The following DPP6 variants were observed in gnomAD, a reference collection of about 807,000 sequenced individuals.
DPP6 encodes the protein dipeptidyl peptidase like 6.
A neutral mutation model predicts 122.6 loss-of-function variants in DPP6; 69 were observed. The observed-to-expected ratio is 0.56, with a 90% CI of 0.46 to 0.69. The LOEUF is 0.69. DPP6 is among the 30% of genes least tolerant of loss of function. DPP6 has a pLI of 0.00. For missense variants in DPP6, 928 were observed against 1,116.9 expected (o/e 0.83, Z 2.41); for synonymous variants, 418 against 433.1 (o/e 0.97, Z 0.43).
rs28405723 is a variant in DPP6, at chr7:154,880,993, G to A, written c.2133+51G>A. The stretch of plus-strand genomic sequence containing the variant: ...AAACCCCTCAGTTCCAGTGTGGCCT[G>A]CACCATTACCCACGTCTAATCCTGA... On this transcript the variant is annotated intron_variant, in intron 21 of 25. Transcript: ENST00000377770. 0.024 allele frequency: 38,410 copies of A among 1,603,772 alleles called. 2,700 individuals carry two copies. The Admixed American group carries it at 0.24, about 10-fold the overall frequency.
At chr7:154,292,242 A>G (rs1373642742) in intron 1 of DPP6, among the ~76,000 whole-genome samples, 2 of 152,054 alleles carry the variant, frequency 1.3e-5, no homozygotes, top group Non-Finnish European at 2.9e-5. Context: ...CAAGGAAAAT[A>G]TATATATACC....
the DPP6 span, among the ~76,000 whole-genome samples, chr7:153,870,523 T>A: frequency 6.6e-6 from 1 of 152,260 alleles, no homozygotes; most frequent in Non-Finnish European, 1.5e-5. Flanking sequence ...AGGACTTCTC[T>A]GCATTAGTTA....
chr7:154,119,155 C>A (rs1311465462), intron 1 of DPP6, among the ~76,000 whole-genome samples: 4 of 152,010 alleles, frequency 2.6e-5, no homozygotes, highest in African/African-American at 4.8e-5. Context: ...AATCTCTTTC[C>A]CTATATACAT....
Position 154,821,628 on chromosome 7 carries a change from G to C in DPP6, c.1666+14516G>C, listed in dbSNP as rs1442785523. Among the ~76,000 whole-genome samples the C allele has an allele frequency of 1.5e-5, 1 of 68,368 alleles. No homozygotes were observed. Among genetic ancestry groups the C allele is most frequent in the African/African-American group, 5.4e-5 (1 of 18,428 alleles). 44.9% of individuals were successfully genotyped at this position (68,368 alleles called of 152,430 possible). A position where few individuals can be genotyped will look rare whatever the true frequency, so the allele number is the denominator to read the frequency against. On this transcript the variant is annotated intron_variant, in intron 16 of 25. Coordinates refer to ENST00000377770, the MANE Select transcript of DPP6 (RefSeq NM_130797.4). This position sits in a 1 kb window ranked among gnomAD's most constrained non-coding sequence, Gnocchi z 4.2. ...ATATATATATATATATTTTTTTTCTGTATATATATATATATATACACATAT... is the reference window on the plus strand; with the variant it reads ...ATATATATATATATATTTTTTTTCTCTATATATATATATATATACACATAT...
At chr7:154,285,089 A>G (rs1804765547) in intron 1 of DPP6, among the ~76,000 whole-genome samples, 1 of 152,336 alleles carries the variant, frequency 6.6e-6, no homozygotes, top group Non-Finnish European at 1.5e-5. Flanking sequence ...GATGTTGGCA[A>G]TGGTTGCACA....
chr7:153,898,279 G>T (rs904326805), intron 1 of DPP6, among the ~76,000 whole-genome samples: 1 of 151,918 alleles, frequency 6.6e-6, no homozygotes, highest in Admixed American at 6.6e-5. Context: ...ACAACAAGAC[G>T]CCATCTCTAA....
chr7:154,316,292 C>T (rs1190094334), intron 1 of DPP6, among the ~76,000 whole-genome samples: 1 of 152,204 alleles, frequency 6.6e-6, no homozygotes, highest in Non-Finnish European at 1.5e-5. Context: ...TCACTCCAGC[C>T]ACCAGCCATG....
Position 154,358,317 on chromosome 7 carries a change from C to T in DPP6, c.244-87897C>T, listed in dbSNP as rs764224191. Among the ~76,000 whole-genome samples the T allele has an allele frequency of 9.2e-5, 14 of 152,310 alleles. No homozygotes were observed. The South Asian group carries it at 1.2e-3, about 14-fold the overall frequency. On this transcript the variant is annotated intron_variant, in intron 1 of 25. Coordinates refer to ENST00000377770, the MANE Select transcript of DPP6 (RefSeq NM_130797.4). ...GCTGTGGCCTTATTCCTGCTGCAGACCTGACCCAGTCTTTAGGACTTGATC... is the reference window on the plus strand; with the variant it reads ...GCTGTGGCCTTATTCCTGCTGCAGATCTGACCCAGTCTTTAGGACTTGATC...
intron 1 of DPP6, among the ~76,000 whole-genome samples, chr7:154,178,843 G>T (rs553801401): frequency 1.3e-5 from 2 of 152,276 alleles, no homozygotes; most frequent in East Asian, 3.9e-4. Context: ...AGCCTCAGAT[G>T]GGGGAGAGAG....
intron 3 of DPP6, among the ~76,000 whole-genome samples, chr7:154,538,051 C>T (rs907041012): frequency 3.3e-5 from 5 of 151,302 alleles, no homozygotes; most frequent in South Asian, 2.1e-4. Flanking sequence ...CAAAAAAAAA[C>T]TAAACAACAT....
At chr7:154,834,572 C>T (rs1800900713) in intron 16 of DPP6, among the ~76,000 whole-genome samples, 1 of 152,190 alleles carries the variant, frequency 6.6e-6, no homozygotes. Context: ...ATCTATGTCA[C>T]TTACCTTTTA....
At chr7:153,959,398 C>T (rs1795235641) in intron 1 of DPP6, among the ~76,000 whole-genome samples, 1 of 152,144 alleles carries the variant, frequency 6.6e-6, no homozygotes, top group African/African-American at 2.4e-5. Flanking sequence ...CTAGGAGTCC[C>T]CTAATTGCAT....
At chr7:154,289,650 A>G (rs1490168438) in intron 1 of DPP6, among the ~76,000 whole-genome samples, 1 of 152,242 alleles carries the variant, frequency 6.6e-6, no homozygotes, top group Non-Finnish European at 1.5e-5. Flanking sequence ...TCTGCAACTC[A>G]TAAATAAACT....
chr7:153,897,219 G>A lies in DPP6; in HGVS notation c.51+9485G>A, dbSNP rs1043247183. ...GCTGGTTATTTGAGGAGGAGCTGAG[G>A]TGCTGACCCATTTCCAGCCCAGGTT... On this transcript the variant is annotated intron_variant, in intron 1 of 25. Coordinates refer to the DPP6 transcript ENST00000404039. Among the ~76,000 whole-genome samples the A allele has an allele frequency of 2.6e-5, 4 of 152,312 alleles. No individual in the cohort carries two copies. In the East Asian group the frequency reaches 5.8e-4, roughly 22 times the overall value.
chr7:153,780,314 A>C, the DPP6 span, among the ~76,000 whole-genome samples: 19 of 152,170 alleles, frequency 1.2e-4, no homozygotes, highest in African/African-American at 4.3e-4. Flanking sequence ...GCAATACATA[A>C]AGTACAATGC....
At chr7:154,567,772 C>T (rs1830852631) in intron 5 of DPP6, among the ~76,000 whole-genome samples, 1 of 152,142 alleles carries the variant, frequency 6.6e-6, no homozygotes, top group Non-Finnish European at 1.5e-5. Context: ...GTCAGAATGG[C>T]TCTGTGGTGA....
Position 154,453,503 on chromosome 7 carries a change from G to A in DPP6, c.358+7175G>A, listed in dbSNP as rs1427987362. 2.7e-5 allele frequency among the ~76,000 whole-genome samples: 4 copies of A among 150,226 alleles called. No homozygotes were observed. The South Asian group carries it at 8.3e-4, about 31-fold the overall frequency. On this transcript the variant is annotated intron_variant, in intron 2 of 25. Coordinates refer to ENST00000377770, the MANE Select transcript of DPP6 (RefSeq NM_130797.4). ...ATTTCAAAACATTTTATTGAAGAAG[G>A]ATATACATATAGGATATATATTATA...
chr7:154,750,131 C>T (rs1248422220), intron 8 of DPP6, among the ~76,000 whole-genome samples: 1 of 152,160 alleles, frequency 6.6e-6, no homozygotes, highest in Non-Finnish European at 1.5e-5. Context: ...TGTGTGTGTC[C>T]GTGATGCTGG....
At chr7:154,494,020 T>C (rs894305905) in intron 3 of DPP6, among the ~76,000 whole-genome samples, 1 of 152,202 alleles carries the variant, frequency 6.6e-6, no homozygotes, top group East Asian at 1.9e-4. Flanking sequence ...GGAAAGCTCA[T>C]GGAAACTAGA....
Sources: allele counts gnomAD v4.1 joint callset (sites outside exome capture counted in the v4.1 genomes callset), GRCh38; gene constraint gnomAD v4.1.1; non-coding constraint Gnocchi (gnomAD v3.1); transcripts MANE v1.5; gene names NCBI Gene and HGNC (gene_info 2026-07-23, HGNC 2026-07-21).